The following HPCAL1 variants were observed in gnomAD, a reference collection of about 807,000 sequenced individuals.
The protein encoded by HPCAL1 is hippocalcin like 1.
In HPCAL1, 8 loss-of-function variants were observed where a neutral mutation model predicts 17.1. The observed-to-expected ratio is 0.47, with a 90% CI of 0.27 to 0.84. The LOEUF is 0.84. Ranked by LOEUF, HPCAL1 falls within the 40% of genes least tolerant of loss-of-function variation. The pLI, the probability that HPCAL1 is intolerant of heterozygous loss-of-function variation, is 0.13. For missense variants in HPCAL1, 165 were observed against 271.1 expected, an observed-to-expected ratio of 0.61 and a Z score of 2.75; for synonymous variants, 112 against 111.4, an observed-to-expected ratio of 1.01 and a Z score of -0.03.
At chr2:10,321,139 A>G (rs1440903276) in intron 1 of HPCAL1, among the ~76,000 whole-genome samples, 4 of 152,212 alleles carry the variant, frequency 2.6e-5, no homozygotes, top group African/African-American at 7.2e-5. Context: ...AGAAGCTACA[A>G]TCATGGCGGA....
rs1666770254 is a variant in HPCAL1 at position 10,365,185 on chromosome 2, A to G, written c.-110-31650A>G. 6.6e-6 allele frequency among the ~76,000 whole-genome samples: 1 copy of G among 152,146 alleles called. No individual in the cohort carries two copies. Among genetic ancestry groups the G allele is most frequent in the Non-Finnish European group, 1.5e-5 (1 of 68,022 alleles). On this transcript the variant is annotated intron_variant, in intron 1 of 4. Coordinates refer to ENST00000307845, the MANE Select transcript of HPCAL1 (RefSeq NM_002149.4). This position sits in a 1 kb window ranked among gnomAD's most constrained non-coding sequence, Gnocchi z 4.8. The stretch of plus-strand genomic sequence containing the variant: ...AGCCACCTCATGTACGGAAGGAGAA[A>G]TGGAGGCCGCCAGAGAGGTCTAGGC...
chr2:10,403,221 A>G (rs1251045197), intron 2 of HPCAL1, among the ~76,000 whole-genome samples: 1 of 152,158 alleles, frequency 6.6e-6, no homozygotes, highest in Non-Finnish European at 1.5e-5. Flanking sequence ...TCCTCTGGGG[A>G]TAGACTCAAA....
Position 10,354,590 on chromosome 2 carries a change from G to A in HPCAL1, c.-110-42245G>A, listed in dbSNP as rs1444751719. Among the ~76,000 whole-genome samples the A allele has an allele frequency of 1.3e-5, 2 of 152,224 alleles. No homozygotes were observed. Among genetic ancestry groups the A allele is most frequent in the Non-Finnish European group, 2.9e-5 (2 of 68,046 alleles). On this transcript the variant is annotated intron_variant, in intron 1 of 4. Transcript: ENST00000307845. This position sits in a 1 kb window ranked among gnomAD's most constrained non-coding sequence, Gnocchi z 5.1. ...CTCATCGCACAGCCATGGCCGAGGT[G>A]TCGGGACTCAAATTCCGGGCCCTTG... is the stretch of plus-strand genomic sequence containing the variant.
intron 2 of HPCAL1, among the ~76,000 whole-genome samples, chr2:10,412,842 C>T (rs1670438233): frequency 6.6e-6 from 1 of 152,178 alleles, no homozygotes; most frequent in Non-Finnish European, 1.5e-5. Context: ...CATCTCCCTG[C>T]CCACTTCCCA....
At chr2:10,396,211 A>G (rs2125574061) in intron 1 of HPCAL1, among the ~76,000 whole-genome samples, 1 of 152,304 alleles carries the variant, frequency 6.6e-6, no homozygotes, top group East Asian at 1.9e-4. Flanking sequence ...CTTCCTGAGC[A>G]CCTAGTGTGT....
At chr2:10,305,982 T>C (rs1177930651) in intron 1 of HPCAL1, among the ~76,000 whole-genome samples, 1 of 152,218 alleles carries the variant, frequency 6.6e-6, no homozygotes, top group Non-Finnish European at 1.5e-5. Context: ...GCGGGTACAG[T>C]GCATGCCCTG....
Position 10,362,708 on chromosome 2 carries a change from G to A in HPCAL1, c.-110-34127G>A, listed in dbSNP as rs1666596547. ...AGCCCTGAGGCCATCCCAAATGCGA[G>A]TCTGTTCACAGAGGGGCTCTCCTGG... is the stretch of plus-strand genomic sequence containing the variant. On this transcript the variant is annotated intron_variant, in intron 1 of 4. Coordinates refer to ENST00000307845, the MANE Select transcript of HPCAL1 (RefSeq NM_002149.4). This position sits in a 1 kb window ranked among gnomAD's most constrained non-coding sequence, Gnocchi z 5.0. 6.6e-6 allele frequency among the ~76,000 whole-genome samples: 1 copy of A among 152,220 alleles called. No individual in the cohort carries two copies. The highest frequency in any genetic ancestry group is 2.1e-4 in the South Asian group (1 of 4,838).
At position 10,331,487 on chromosome 2, in the gene HPCAL1, T is replaced by C. The variant is rs1292215009; in HGVS notation, c.-111+28310T>C. 6.6e-6 allele frequency among the ~76,000 whole-genome samples: 1 copy of C among 152,214 alleles called. No individual in the cohort carries two copies. Among genetic ancestry groups the C allele is most frequent in the Non-Finnish European group, 1.5e-5 (1 of 68,038 alleles). ...CCAGGAGACACTCAGGAAACCTTGC[T>C]GGTGGAACGGATGCAGCAGCGAGGT... On this transcript the variant is annotated intron_variant, in intron 1 of 4. Coordinates refer to ENST00000307845, the MANE Select transcript of HPCAL1 (RefSeq NM_002149.4). This position sits in a 1 kb window ranked among gnomAD's most constrained non-coding sequence, Gnocchi z 5.0.
At chr2:10,383,431 C>T (rs916435458) in intron 1 of HPCAL1, among the ~76,000 whole-genome samples, 1 of 151,988 alleles carries the variant, frequency 6.6e-6, no homozygotes, top group Non-Finnish European at 1.5e-5. Context: ...GGCACGATCT[C>T]GGCTCACTGC....
chr2:10,323,006 T>G lies in HPCAL1; in HGVS notation c.-111+19829T>G, dbSNP rs1163022261. Among the ~76,000 whole-genome samples, 1 of 152,172 alleles carries G rather than the reference T, an allele frequency of 6.6e-6. No individual in the cohort carries two copies. Among genetic ancestry groups the G allele is most frequent in the African/African-American group, 2.4e-5 (1 of 41,446 alleles). On this transcript the variant is annotated intron_variant, in intron 1 of 4. Transcript: ENST00000307845. The surrounding 1 kb of genome is among the most constrained non-coding windows in gnomAD (Gnocchi z 4.6). ...AAGCCTGGGACACACGCTGCCCCCT[T>G]CTGCTTTCCTGTCCCTCCATCGTGT...
chr2:10,422,291 C>G (rs1307697918), intron 3 of HPCAL1, among the ~76,000 whole-genome samples: 2 of 152,222 alleles, frequency 1.3e-5, no homozygotes, highest in Non-Finnish European at 2.9e-5. Context: ...GCCACCTTCA[C>G]GTGGAGTGCT....
intron 1 of HPCAL1, among the ~76,000 whole-genome samples, chr2:10,327,219 A>C (rs1558459858): frequency 6.6e-6 from 1 of 152,146 alleles, no homozygotes; most frequent in Non-Finnish European, 1.5e-5. Context: ...GAGTGGGAGA[A>C]CTTTGCCTTG....
chr2:10,426,774 A>G lies in HPCAL1; in HGVS notation c.535A>G (p.Ile179Val), dbSNP rs760519496. ...FIRGAKSDPS[I>V]VRLLQCDPSS... ...CAGAGGTGCCAAGAGCGACCCCTCC[A>G]TCGTCCGCCTGCTGCAGTGCGACCC... The change falls in exon 5 of 5, where the codon ATC becomes GTC. Residue 179 changes from isoleucine to valine, a missense_variant. Physicochemically the swap from Ile to Val is conservative, Grantham distance 29. Transcript: ENST00000307845. 1.2e-6 allele frequency: 2 copies of G among 1,613,362 alleles called. No individual in the cohort carries two copies. The highest frequency in any genetic ancestry group is 1.7e-6 in the Non-Finnish European group (2 of 1,179,960).
intron 1 of HPCAL1, among the ~76,000 whole-genome samples, chr2:10,337,431 A>G (rs928765307): frequency 2.6e-5 from 4 of 152,184 alleles, no homozygotes; most frequent in African/African-American, 9.7e-5. Context: ...TGACCATTTA[A>G]AAAAGAAGAA....
chr2:10,424,410 G>A (rs368917029), intron 4 of HPCAL1: 7 of 447,442 alleles, frequency 1.6e-5, no homozygotes, highest in South Asian at 4.8e-5. Flanking sequence ...TCCGCTCCTC[G>A]TGGGGATGGT....
intron 1 of HPCAL1, among the ~76,000 whole-genome samples, chr2:10,309,504 A>C (rs1662823252): frequency 6.6e-6 from 1 of 152,206 alleles, no homozygotes; most frequent in African/African-American, 2.4e-5. Flanking sequence ...GCTGGTGTTC[A>C]GATTTTCCTG....
chr2:10,353,086 G>A (rs989886474), intron 1 of HPCAL1, among the ~76,000 whole-genome samples: 1 of 152,184 alleles, frequency 6.6e-6, no homozygotes, highest in African/African-American at 2.4e-5. Flanking sequence ...TAAGCTGGCA[G>A]GCAGTCGTGC....
intron 1 of HPCAL1, among the ~76,000 whole-genome samples, chr2:10,390,917 A>T (rs1668648245): frequency 6.6e-6 from 1 of 152,026 alleles, no homozygotes; most frequent in Non-Finnish European, 1.5e-5. Context: ...TCCAGTCTAA[A>T]CTCCTTAGAG....
chr2:10,372,090 G>A (rs1231016537), intron 1 of HPCAL1, among the ~76,000 whole-genome samples: 3 of 152,250 alleles, frequency 2.0e-5, no homozygotes, highest in African/African-American at 4.8e-5. Flanking sequence ...TTGCTTACAC[G>A]TTGGGTGCAC....
Sources: allele counts gnomAD v4.1 joint callset (sites outside exome capture counted in the v4.1 genomes callset), GRCh38; gene constraint gnomAD v4.1.1; non-coding constraint Gnocchi (gnomAD v3.1); transcripts MANE v1.5; gene names NCBI Gene and HGNC (gene_info 2026-07-23, HGNC 2026-07-21).